Variants in EPHA6 observed in about 807,000 individuals in gnomAD.
The protein encoded by EPHA6 is ephrin type-A receptor 6.
In EPHA6, 50 loss-of-function variants were observed where a neutral mutation model predicts 112.0. The ratio of observed to expected loss-of-function variants is 0.45; its 90% CI spans 0.36 to 0.56. The LOEUF is 0.56. Ranked by LOEUF, EPHA6 falls within the 20% of genes least tolerant of loss-of-function variation. EPHA6 has a pLI of 0.00. For synonymous variants in EPHA6, 529 were observed against 490.7 expected (o/e 1.08, Z -1.03); for missense variants, 1,280 against 1,417.4 (o/e 0.90, Z 1.56).
intron 14 of EPHA6, among the ~76,000 whole-genome samples, chr3:97,705,863 C>G (rs950199569): frequency 6.6e-6 from 1 of 152,126 alleles, no homozygotes; most frequent in African/African-American, 2.4e-5. Context: ...AATTATTTGT[C>G]GCTTCTTTCT....
In EPHA6 at chr3:97,208,877, T is replaced by C. The variant is rs185147979; in HGVS notation, c.1115-17387T>C. ...GTATGATAAATACAAACACATATTA[T>C]GTGAAAACTTACCCATGGAGAAGAT... is the stretch of plus-strand genomic sequence containing the variant. On this transcript the variant is annotated intron_variant, in intron 3 of 17. Coordinates refer to ENST00000389672, the MANE Select transcript of EPHA6 (RefSeq NM_001080448.3). Among the ~76,000 whole-genome samples, 440 of 152,298 alleles carry C rather than the reference T, an allele frequency of 2.9e-3. 3 individuals carry two copies. The highest frequency in any genetic ancestry group is 0.022 in the South Asian group (104 of 4,832).
At chr3:97,657,263 T>A (rs996008365) in intron 14 of EPHA6, among the ~76,000 whole-genome samples, 1 of 151,756 alleles carries the variant, frequency 6.6e-6, no homozygotes, top group African/African-American at 2.4e-5. Context: ...TTAGTTAAGA[T>A]GAAACTATGT....
chr3:97,421,874 T>C lies in EPHA6; in HGVS notation c.1731+16600T>C, dbSNP rs191314931. On this transcript the variant is annotated intron_variant, in intron 6 of 17. Transcript: ENST00000389672. ...TGCAGATCATTAAAAATGTATGGGC[T>C]ATTCACTAGGTAATAGGTACTGGGT... Among the ~76,000 whole-genome samples, 3 of 152,110 alleles carry C rather than the reference T, an allele frequency of 2.0e-5. No homozygotes were observed. The East Asian group carries it at 5.8e-4, about 29-fold the overall frequency.
chr3:96,993,279 C>T (rs1168776935), intron 3 of EPHA6, among the ~76,000 whole-genome samples: 1 of 151,668 alleles, frequency 6.6e-6, no homozygotes, highest in Non-Finnish European at 1.5e-5. Context: ...ATATGTTTCC[C>T]TTCCACCTAT....
At chr3:97,088,018 TA>T (rs1176944504) in intron 3 of EPHA6, among the ~76,000 whole-genome samples, 1 of 151,852 alleles carries the variant, frequency 6.6e-6, no homozygotes, top group African/African-American at 2.4e-5. Flanking sequence ...CCGTCTCTAC[TA>T]AAAATACAAA....
At chr3:96,923,228 A>G (rs1403400769) in intron 2 of EPHA6, among the ~76,000 whole-genome samples, 1 of 152,184 alleles carries the variant, frequency 6.6e-6, no homozygotes, top group Non-Finnish European at 1.5e-5. Flanking sequence ...TGTCTTCCAC[A>G]ATGGTTGAAC....
In EPHA6 at chr3:96,828,759, A is replaced by G. The variant is rs538783086; in HGVS notation, c.385+13751A>G. ...ACACCTCCACAGCTCCATCATTCTG[A>G]GCTTCCTAATACGTTTTGGTGGTTT... On this transcript the variant is annotated intron_variant, in intron 1 of 17. Transcript: ENST00000389672. Among the ~76,000 whole-genome samples, 5 of 152,228 alleles carry G rather than the reference A, an allele frequency of 3.3e-5. No individual in the cohort carries two copies. The East Asian group carries it at 7.7e-4, about 24-fold the overall frequency.
chr3:97,489,509 C>T (rs1428814446), intron 10 of EPHA6, among the ~76,000 whole-genome samples: 1 of 151,918 alleles, frequency 6.6e-6, no homozygotes, highest in Non-Finnish European at 1.5e-5. Context: ...CACGGTGAAA[C>T]CCTGTCTCTA....
rs34479594 is a variant in EPHA6, at chr3:97,263,436, TACAC to T, written c.1606+19178_1606+19181del. Among the ~76,000 whole-genome samples the T allele has an allele frequency of 3.9e-3, 561 of 142,226 alleles. 1 individual carries two copies. Among genetic ancestry groups the T allele is most frequent in the Non-Finnish European group, 4.2e-3 (271 of 64,264 alleles). The allele number at this position is 142,226 out of a possible 152,430, so 93.3% of individuals were successfully genotyped here. A position where few individuals can be genotyped will look rare whatever the true frequency, so the allele number is the denominator to read the frequency against. ...ACAAAGCGCCTTCCAATTAAAGGGATACACACACACACACACACACACACACACA... is the reference window on the plus strand; with the variant it reads ...ACAAAGCGCCTTCCAATTAAAGGGATACACACACACACACACACACACACA... On this transcript the variant is annotated intron_variant, in intron 5 of 17. Transcript: ENST00000389672.
intron 5 of EPHA6, among the ~76,000 whole-genome samples, chr3:97,288,587 T>G (rs1413386892): frequency 6.6e-6 from 1 of 152,302 alleles, no homozygotes; most frequent in African/African-American, 2.4e-5. Context: ...TTTGGGGGAA[T>G]ATGTACACGT....
chr3:96,978,242 C>T (rs891654316), intron 2 of EPHA6, among the ~76,000 whole-genome samples: 2 of 152,118 alleles, frequency 1.3e-5, no homozygotes, highest in African/African-American at 2.4e-5. Flanking sequence ...AAGTGGCCTT[C>T]ATCCTTGTTG....
intron 2 of EPHA6, among the ~76,000 whole-genome samples, chr3:96,877,797 A>T (rs1470557492): frequency 6.6e-6 from 1 of 151,902 alleles, no homozygotes. Context: ...TGCTTAACTT[A>T]GTCTTCTTCT....
At chr3:96,992,860 C>T (rs1249119184) in intron 3 of EPHA6, among the ~76,000 whole-genome samples, 1 of 152,188 alleles carries the variant, frequency 6.6e-6, no homozygotes, top group Non-Finnish European at 1.5e-5. Context: ...CAAGACCTAA[C>T]ACCAATGTCA....
intron 11 of EPHA6, among the ~76,000 whole-genome samples, chr3:97,584,329 A>G (rs1009693685): frequency 1.3e-5 from 2 of 152,194 alleles, no homozygotes; most frequent in Non-Finnish European, 2.9e-5. Context: ...AGAAAGACGA[A>G]TGTATAAGCT....
Position 97,025,761 on chromosome 3 carries a change from G to A in EPHA6, c.1114+37768G>A, listed in dbSNP as rs571429782. Reference sequence around the variant, plus strand: ...ACACCACCACACCCAGCTAATCTTTGTATTTTTAGTAGAGATGGGGTTTCA... The same window carrying A: ...ACACCACCACACCCAGCTAATCTTTATATTTTTAGTAGAGATGGGGTTTCA... On this transcript the variant is annotated intron_variant, in intron 3 of 17. Transcript: ENST00000389672. Among the ~76,000 whole-genome samples, 184 of 152,088 alleles carry A rather than the reference G, an allele frequency of 1.2e-3. 1 individual carries two copies. The highest frequency in any genetic ancestry group is 4.2e-3 in the African/African-American group (175 of 41,502).
intron 4 of EPHA6, among the ~76,000 whole-genome samples, chr3:97,232,200 T>C (rs536291553): frequency 1.1e-4 from 16 of 152,266 alleles, no homozygotes; most frequent in African/African-American, 3.6e-4. Context: ...AGTTGTACCA[T>C]CCATATTGAT....
At chr3:97,594,711 A>AT (rs2093572679) in intron 12 of EPHA6, among the ~76,000 whole-genome samples, 3 of 152,088 alleles carry the variant, frequency 2.0e-5, no homozygotes, top group South Asian at 4.1e-4. Flanking sequence ...ATTATTTTAT[A>AT]TTTTTTAAAA....
intron 2 of EPHA6, among the ~76,000 whole-genome samples, chr3:96,900,450 C>T (rs2038540086): frequency 6.6e-6 from 1 of 152,004 alleles, no homozygotes; most frequent in African/African-American, 2.4e-5. Context: ...TATCTTTTTT[C>T]CCAATTGCAT....
intron 5 of EPHA6, among the ~76,000 whole-genome samples, chr3:97,377,990 G>C (rs1238910792): frequency 6.6e-6 from 1 of 152,170 alleles, no homozygotes; most frequent in African/African-American, 2.4e-5. Flanking sequence ...CATAAGTAAT[G>C]AGGAGCCAAA....
Sources: allele counts gnomAD v4.1 joint callset (sites outside exome capture counted in the v4.1 genomes callset), GRCh38; gene constraint gnomAD v4.1.1; transcripts MANE v1.5; gene names NCBI Gene and HGNC (gene_info 2026-07-23, HGNC 2026-07-21).